Variants in RBM4 observed in about 807,000 individuals in gnomAD.
RBM4 encodes RNA-binding protein 4.
Under a neutral mutation model 29.5 loss-of-function variants are expected in RBM4, and 7 were observed. The ratio of observed to expected loss-of-function variants is 0.24; its 90% CI spans 0.14 to 0.45. The LOEUF is 0.45. Among genes scored for constraint, RBM4 ranks in the 20% least tolerant of loss-of-function variants. The pLI, the probability that RBM4 is intolerant of heterozygous loss-of-function variation, is 1.00. For missense variants in RBM4, 387 were observed against 502.3 expected (o/e 0.77, Z 2.19); for synonymous variants, 220 against 205.4 (o/e 1.07, Z -0.61).
chr11:66,644,394 A>T, intron 3 of RBM4: 1 of 507,028 alleles, frequency 2.0e-6, no homozygotes, highest in Non-Finnish European at 3.3e-6. Flanking sequence ...AGAAAAATAA[A>T]GAATGATGTG....
chr11:66,663,974 C>G (rs1011542091), intron 2 of RBM4, among the ~76,000 whole-genome samples: 1 of 152,000 alleles, frequency 6.6e-6, no homozygotes, highest in African/African-American at 2.4e-5. Context: ...GGCTAACTTC[C>G]TACCACCTAT....
At chr11:66,663,725 TGTG>T (rs1939132618) in intron 2 of RBM4, among the ~76,000 whole-genome samples, 1 of 151,676 alleles carries the variant, frequency 6.6e-6, no homozygotes, top group African/African-American at 2.4e-5. Flanking sequence ...TGTGTGTGTG[TGTG>T]TATATATGTT....
At position 66,646,240 on chromosome 11, in the gene RBM4, G is replaced by A; in HGVS notation, c.*222G>A. 2 of 1,425,346 alleles carry A rather than the reference G, an allele frequency of 1.4e-6. No homozygotes were observed. Among genetic ancestry groups the A allele is most frequent in the South Asian group, 3.0e-5 (2 of 66,202 alleles). 88.3% of individuals were successfully genotyped at this position (1,425,346 alleles called of 1,614,324 possible). ...TGTTCTTCTGTCCTTCAATACTTCT[G>A]TAGCTTCCCATTCATGTTCTCTTCT... On this transcript the variant is annotated 3_prime_UTR_variant, in exon 4 of 4. Transcript: ENST00000310092.
intron 2 of RBM4, among the ~76,000 whole-genome samples, chr11:66,663,178 C>T (rs1313853963): frequency 6.6e-6 from 1 of 152,172 alleles, no homozygotes; most frequent in Non-Finnish European, 1.5e-5. Context: ...GGGATCTAAA[C>T]AAAGATAAAT....
At chr11:66,668,138 G>C (rs891003180) in exon 3 of RBM4, 5 of 162,480 alleles carry the variant, frequency 3.1e-5, no homozygotes, top group African/African-American at 1.2e-4. Context: ...GAGCGAGTAT[G>C]GGTTTTGGTA....
intron 2 of RBM4, among the ~76,000 whole-genome samples, chr11:66,662,281 A>G (rs746210694): frequency 3.3e-5 from 5 of 152,250 alleles, no homozygotes; most frequent in Admixed American, 6.5e-5. Flanking sequence ...CAAATTGGAC[A>G]GCACAGATAT....
At chr11:66,657,039 A>G (rs1350994222) in intron 2 of RBM4, among the ~76,000 whole-genome samples, 2 of 149,168 alleles carry the variant, frequency 1.3e-5, no homozygotes, top group Admixed American at 6.7e-5. Context: ...AATACAGAAC[A>G]TTTTTGTCAG....
At chr11:66,659,735 T>A (rs1460338628) in intron 2 of RBM4, among the ~76,000 whole-genome samples, 1 of 152,260 alleles carries the variant, frequency 6.6e-6, no homozygotes, top group African/African-American at 2.4e-5. Flanking sequence ...CATTAGCAGC[T>A]CTTGATCATG....
downstream of RBM4, among the ~76,000 whole-genome samples, chr11:66,647,046 G>T (rs1176216857): frequency 6.6e-6 from 1 of 152,242 alleles, no homozygotes; most frequent in Non-Finnish European, 1.5e-5. Context: ...TAGGCATGGA[G>T]AAATGACCCA....
chr11:66,666,011 T>G, exon 3 of RBM4: 1 of 1,433,820 alleles, frequency 7.0e-7, no homozygotes, highest in Middle Eastern at 1.8e-4. Context: ...TGTTTTGTTT[T>G]AATCTTTCAC....
exon 3 of RBM4, chr11:66,665,984 T>C (rs1191952457): frequency 7.4e-6 from 11 of 1,489,936 alleles, no homozygotes; most frequent in East Asian, 7.4e-5. Flanking sequence ...ATATGGCGAA[T>C]TGCACTATTC....
chr11:66,642,146 T>C (rs1376960147), intron 2 of RBM4, among the ~76,000 whole-genome samples: 1 of 152,150 alleles, frequency 6.6e-6, no homozygotes, highest in Non-Finnish European at 1.5e-5. Context: ...CTCCTTGATA[T>C]TTTGTTCCTT....
At position 66,646,097 on chromosome 11, in the gene RBM4, C is replaced by T; in HGVS notation, c.*79C>T. On this transcript the variant is annotated 3_prime_UTR_variant, in exon 4 of 4. Transcript: ENST00000310092. ...GAATACACCCTTCGTGGTACCCCAT[C>T]TCCGGGACGTTCTCGGCTCTGTGCG... 1 of 1,535,570 alleles carries T rather than the reference C, an allele frequency of 6.5e-7. No homozygotes were observed.
intron 3 of RBM4, chr11:66,644,659 A>G: frequency 2.0e-6 from 2 of 983,038 alleles, no homozygotes; most frequent in Non-Finnish European, 2.4e-6. Flanking sequence ...AAGACTACCA[A>G]AATGGCATCA....
In RBM4 at chr11:66,639,835, A is replaced by G; in HGVS notation, c.124A>G (p.Ile42Val). 1.9e-6 allele frequency: 3 copies of G among 1,614,164 alleles called. No individual in the cohort carries two copies. The highest frequency in any genetic ancestry group is 2.5e-6 in the Non-Finnish European group (3 of 1,180,032). ...DIIKNYGFVH[I>V]EDKTAAEDAI... ...CATTAAGAATTACGGCTTTGTGCAC[A>G]TAGAAGACAAGACGGCAGCTGAGGA... The change falls in exon 2 of 4, where the codon ATA becomes GTA. Residue 42 changes from isoleucine (I) to valine (V), a missense_variant. Around this residue, in one of 2 missense-constraint regions of RBM4, gnomAD observed 106 missense variants for 213.6 expected, o/e 0.50. Coordinates refer to ENST00000310092, the MANE Select transcript of RBM4 (RefSeq NM_002896.4).
intron 2 of RBM4, chr11:66,640,481 C>G (rs1176606751): frequency 4.5e-6 from 2 of 447,722 alleles, no homozygotes; most frequent in South Asian, 5.3e-5. Context: ...ATTTATTGCC[C>G]TCAGCACAGG....
At chr11:66,658,500 G>A (rs1939004417) in intron 2 of RBM4, among the ~76,000 whole-genome samples, 1 of 151,972 alleles carries the variant, frequency 6.6e-6, no homozygotes, top group African/African-American at 2.4e-5. Flanking sequence ...ACCTTTCCCA[G>A]TTATCACTAG....
chr11:66,658,429 A>T (rs776533147), intron 2 of RBM4, among the ~76,000 whole-genome samples: 3 of 143,794 alleles, frequency 2.1e-5, no homozygotes, highest in Non-Finnish European at 4.5e-5. Context: ...TAATTGTCAC[A>T]ATTTAGGGGG....
chr11:66,665,437 T>G, intron 2 of RBM4: 3 of 704,982 alleles, frequency 4.3e-6, no homozygotes, highest in Non-Finnish European at 7.4e-6. Context: ...TTAGAAGAAT[T>G]AAGAAAGAAA....
Sources: allele counts gnomAD v4.1 joint callset (sites outside exome capture counted in the v4.1 genomes callset), GRCh38; gene constraint gnomAD v4.1.1; regional missense constraint gnomAD v4.1.1; transcripts MANE v1.5; gene names NCBI Gene and HGNC (gene_info 2026-07-23, HGNC 2026-07-21).